Variants in NDE1 observed in about 807,000 individuals in gnomAD.
NDE1 encodes the protein nuclear distribution protein nudE homolog 1.
Under a neutral mutation model 43.4 loss-of-function variants are expected in NDE1, and 28 were observed. The ratio of observed to expected loss-of-function variants is 0.65; its 90% CI spans 0.48 to 0.89. The LOEUF is 0.89. NDE1 is among the 40% of genes least tolerant of loss of function. NDE1 has a pLI of 0.00. For missense variants in NDE1, 441 were observed against 434.1 expected, an observed-to-expected ratio of 1.02 and a Z score of -0.14; for synonymous variants, 184 against 172.0, an observed-to-expected ratio of 1.07 and a Z score of -0.55.
chr16:15,717,264 TCTGCCGCTCGAG>T, intron 8 of NDE1: 2 of 1,614,096 alleles, frequency 1.2e-6, no homozygotes, highest in Non-Finnish European at 1.7e-6. Flanking sequence ...AGCTCCTTGT[TCTGCCGCTCGAG>T]CTGCTGCCGG....
chr16:15,650,394 C>G (rs1029336033), intron 1 of NDE1, 100 bp downstream of exon 1: 35 of 163,746 alleles, frequency 2.1e-4, no homozygotes, highest in Non-Finnish European at 1.3e-4. Context: ...TCCCGGGACC[C>G]CGGGCCACCG....
At chr16:15,665,905 C>T (rs1288770743) in intron 2 of NDE1, among the ~76,000 whole-genome samples, 10 of 151,854 alleles carry the variant, frequency 6.6e-5, no homozygotes, top group Admixed American at 2.6e-4. Flanking sequence ...TACAGGCATG[C>T]ACCACCATGC....
intron 8 of NDE1, chr16:15,718,394 G>A (rs1201529499): frequency 1.3e-6 from 2 of 1,599,560 alleles, no homozygotes; most frequent in South Asian, 2.2e-5. Flanking sequence ...CTCCAGCTGG[G>A]CGATCCGGGC....
chr16:15,723,524 A>G (rs925652788), intron 8 of NDE1, among the ~76,000 whole-genome samples: 1 of 152,154 alleles, frequency 6.6e-6, no homozygotes, highest in Admixed American at 6.5e-5. Flanking sequence ...GTGTGCTCCT[A>G]TAATCCCGGC....
chr16:15,699,142 A>T (rs2039134911), intron 8 of NDE1, among the ~76,000 whole-genome samples: 1 of 151,926 alleles, frequency 6.6e-6, no homozygotes, highest in Non-Finnish European at 1.5e-5. Context: ...CACCTCTGAG[A>T]CTGTAGTCTG....
chr16:15,688,556 C>G (rs2093618159), intron 5 of NDE1, among the ~76,000 whole-genome samples: 1 of 146,010 alleles, frequency 6.8e-6, no homozygotes, highest in African/African-American at 2.6e-5. Context: ...TTGCTTGAAC[C>G]TGGGAGGTGG....
chr16:15,677,050 A>G (rs905156114), intron 3 of NDE1, among the ~76,000 whole-genome samples: 29 of 152,164 alleles, frequency 1.9e-4, no homozygotes, highest in African/African-American at 6.8e-4. Flanking sequence ...AGAGTAGGCA[A>G]GATTCAAGGT....
At position 15,703,869 on chromosome 16, in the gene NDE1, T is replaced by A. The variant is rs753413924; in HGVS notation, c.947+7009T>A. On this transcript the variant is annotated intron_variant, in intron 8 of 8. Transcript: ENST00000396354. Reference sequence around the variant, plus strand: ...TGATATTTGGAATTTGAGAATGGATTTAGACAATGCTAAGTACAGTCTGCT... The same window carrying A: ...TGATATTTGGAATTTGAGAATGGATATAGACAATGCTAAGTACAGTCTGCT... 1.1e-5 allele frequency: 15 copies of A among 1,338,250 alleles called. No homozygotes were observed. In the South Asian group the frequency reaches 1.7e-4, roughly 15 times the overall value. 82.9% of individuals were successfully genotyped at this position (1,338,250 alleles called of 1,614,324 possible).
Position 15,725,974 on chromosome 16 carries a change from C to T in NDE1, c.*1723C>T, listed in dbSNP as rs73519694. ...GTACTATCTCCCCCTACCCCCAACC[C>T]CAGCTGGGCACTCCAGCTCTACTGG... is the stretch of plus-strand genomic sequence containing the variant. On this transcript the variant is annotated 3_prime_UTR_variant, in exon 9 of 9. Coordinates refer to ENST00000396354, the MANE Select transcript of NDE1 (RefSeq NM_017668.3). The T allele has an allele frequency of 0.033, 11,077 of 335,108 alleles. 1,140 individuals are homozygous for T. Among genetic ancestry groups the T allele is most frequent in the African/African-American group, 0.21 (10,066 of 47,102 alleles). The allele number at this position is 335,108 out of a possible 1,614,324, so 20.8% of individuals were successfully genotyped here. A position where few individuals can be genotyped will look rare whatever the true frequency, so the allele number is the denominator to read the frequency against.
At chr16:15,690,005 G>A (rs1304157420) in intron 5 of NDE1, among the ~76,000 whole-genome samples, 1 of 151,658 alleles carries the variant, frequency 6.6e-6, no homozygotes, top group East Asian at 1.9e-4. Context: ...TTATGGTGAT[G>A]ATGAGTGAGG....
At chr16:15,689,295 G>T (rs746214534) in intron 5 of NDE1, among the ~76,000 whole-genome samples, 2 of 152,086 alleles carry the variant, frequency 1.3e-5, no homozygotes, top group Non-Finnish European at 2.9e-5. Context: ...TTCAAGATGA[G>T]CCTGGACAAC....
intron 1 of NDE1, among the ~76,000 whole-genome samples, chr16:15,660,244 A>G (rs2151422300): frequency 6.6e-6 from 1 of 152,136 alleles, no homozygotes; most frequent in East Asian, 1.9e-4. Context: ...TTGGGAGTAC[A>G]AGGCAGGAGG....
chr16:15,706,249 C>G (rs2039448390), intron 8 of NDE1, among the ~76,000 whole-genome samples: 1 of 152,200 alleles, frequency 6.6e-6, no homozygotes, highest in Non-Finnish European at 1.5e-5. Flanking sequence ...CCATCCTTCT[C>G]TCTCTAGATG....
intron 1 of NDE1, among the ~76,000 whole-genome samples, chr16:15,654,058 A>G (rs1442571592): frequency 6.6e-6 from 1 of 152,036 alleles, no homozygotes; most frequent in Non-Finnish European, 1.5e-5. Flanking sequence ...GGAGGCATAG[A>G]TCTCTGTTGT....
In NDE1 at chr16:15,725,325, C is replaced by A; in HGVS notation, c.*1074C>A. 3 of 562,644 alleles carry A rather than the reference C, an allele frequency of 5.3e-6. No individual in the cohort carries two copies. Among genetic ancestry groups the A allele is most frequent in the South Asian group, 4.4e-5 (2 of 45,480 alleles). The allele number at this position is 562,644 out of a possible 1,614,324, so 34.9% of individuals were successfully genotyped here. ...AGATCCCTGCCAAGGTTGGTAGAGA[C>A]AAAGCAGCAGGTCTGAGAGTCCAGA... On this transcript the variant is annotated 3_prime_UTR_variant, in exon 9 of 9. Coordinates refer to ENST00000396354, the MANE Select transcript of NDE1 (RefSeq NM_017668.3).
upstream of NDE1, among the ~76,000 whole-genome samples, chr16:15,647,507 C>G (rs991542748): frequency 6.7e-6 from 1 of 149,464 alleles, no homozygotes; most frequent in Non-Finnish European, 1.5e-5. Flanking sequence ...GTTGCATGGT[C>G]TCCTCTCTAC....
chr16:15,706,758 C>T (rs2039479810), intron 8 of NDE1, among the ~76,000 whole-genome samples: 1 of 152,072 alleles, frequency 6.6e-6, no homozygotes, highest in Non-Finnish European at 1.5e-5. Context: ...CTAACCTCCA[C>T]ATCAGTGCTC....
At chr16:15,649,750 C>G (rs1218375126), upstream of NDE1, among the ~76,000 whole-genome samples, 1 of 152,192 alleles carries the variant, frequency 6.6e-6, no homozygotes, top group South Asian at 2.1e-4. Flanking sequence ...TGGTGCACTA[C>G]GTTCTCCTGC....
intron 4 of NDE1, 92 bp downstream of exon 4, chr16:15,678,041 G>A (rs2037977775): frequency 6.0e-6 from 9 of 1,489,810 alleles, no homozygotes; most frequent in Non-Finnish European, 7.5e-6. Context: ...CTGAGTATAG[G>A]GAACTAAGCA....
Sources: allele counts gnomAD v4.1 joint callset (sites outside exome capture counted in the v4.1 genomes callset), GRCh38; gene constraint gnomAD v4.1.1; transcripts MANE v1.5; gene names NCBI Gene and HGNC (gene_info 2026-07-23, HGNC 2026-07-21).